Variants in GPHN observed in about 807,000 individuals in gnomAD.
The protein encoded by GPHN is gephyrin.
A neutral mutation model predicts 95.5 loss-of-function variants in GPHN; 17 were observed. The observed-to-expected ratio is 0.18, with a 90% CI of 0.12 to 0.27. The LOEUF (loss-of-function observed/expected upper bound fraction) is 0.27, where lower values mean the gene tolerates loss of function less well. Ranked by LOEUF, GPHN falls within the 10% of genes least tolerant of loss-of-function variation. GPHN has a pLI of 1.00. For missense variants in GPHN, 660 were observed against 978.1 expected, an observed-to-expected ratio of 0.67 and a Z score of 4.34; for synonymous variants, 320 against 322.5, an observed-to-expected ratio of 0.99 and a Z score of 0.08.
At chr14:66,854,910 C>G (rs1027686641) in intron 4 of GPHN, among the ~76,000 whole-genome samples, 1 of 150,998 alleles carries the variant, frequency 6.6e-6, no homozygotes, top group East Asian at 1.9e-4. Context: ...TGCAGTGGCA[C>G]GATCTCAGCT....
At chr14:67,592,241 C>A in the GPHN span, 2 of 352,832 alleles carry the variant, frequency 5.7e-6, no homozygotes, top group South Asian at 4.5e-5. Context: ...TCAAGATCAG[C>A]CTAGGCAACA....
intron 10 of GPHN, among the ~76,000 whole-genome samples, chr14:67,025,675 TA>T (rs1302176541): frequency 1.3e-5 from 2 of 152,072 alleles, no homozygotes; most frequent in African/African-American, 2.4e-5. Context: ...CAAGGCAAAA[TA>T]AAATGTAATA....
intron 1 of GPHN, among the ~76,000 whole-genome samples, chr14:66,637,064 A>G (rs1464408002): frequency 1.3e-5 from 2 of 152,144 alleles, no homozygotes; most frequent in Non-Finnish European, 2.9e-5. Context: ...TTGATGCTGC[A>G]GTCCTTGGTA....
intron 1 of GPHN, among the ~76,000 whole-genome samples, chr14:66,535,973 G>C (rs1229902716): frequency 6.6e-6 from 1 of 152,082 alleles, no homozygotes; most frequent in Non-Finnish European, 1.5e-5. Flanking sequence ...AAGGCTTCTA[G>C]AACAATGTTT....
chr14:67,165,042 A>G (rs2082195760), intron 19 of GPHN, 120 bp from the exon 20 acceptor site: 1 of 718,720 alleles, frequency 1.4e-6, no homozygotes, highest in South Asian at 1.6e-5. Flanking sequence ...ATGTAAAGGC[A>G]AGTCAACAGA....
the GPHN span, among the ~76,000 whole-genome samples, chr14:67,531,145 G>T: frequency 1.2e-3 from 176 of 152,296 alleles, no homozygotes; most frequent in Non-Finnish European, 2.2e-3. Context: ...CTCTAGGGGT[G>T]ATGGTGGGTA....
the GPHN span, chr14:67,541,917 G>T: frequency 6.2e-7 from 1 of 1,605,278 alleles, no homozygotes; most frequent in Non-Finnish European, 8.5e-7. Flanking sequence ...TGGCAGAAAC[G>T]CTGCCTGACC....
At chr14:67,305,266 T>A in the GPHN span, among the ~76,000 whole-genome samples, 1 of 152,140 alleles carries the variant, frequency 6.6e-6, no homozygotes, top group African/African-American at 2.4e-5. Context: ...CTTTTGAGAA[T>A]AAATGTCAGA....
chr14:66,840,786 G>A (rs2062044208), intron 4 of GPHN, among the ~76,000 whole-genome samples: 1 of 149,314 alleles, frequency 6.7e-6, no homozygotes, highest in Non-Finnish European at 1.5e-5. Context: ...CCCTTGGGCT[G>A]TAGTTTGCCA....
intron 5 of GPHN, among the ~76,000 whole-genome samples, chr14:66,899,759 T>C (rs2065038325): frequency 6.6e-6 from 1 of 151,864 alleles, no homozygotes; most frequent in Non-Finnish European, 1.5e-5. Flanking sequence ...GATTTTGGTA[T>C]CAAGTTAATA....
At chr14:67,138,341 T>C (rs1172197242) in intron 17 of GPHN, among the ~76,000 whole-genome samples, 1 of 152,198 alleles carries the variant, frequency 6.6e-6, no homozygotes, top group East Asian at 1.9e-4. Context: ...GTCTTAAATA[T>C]AAGGTCAGAT....
chr14:67,483,092 C>T, the GPHN span, among the ~76,000 whole-genome samples: 1 of 152,062 alleles, frequency 6.6e-6, no homozygotes, highest in Non-Finnish European at 1.5e-5. Flanking sequence ...CTCACTGCAA[C>T]CTCTGTCGCC....
intron 1 of GPHN, among the ~76,000 whole-genome samples, chr14:66,543,796 T>G (rs2059436437): frequency 6.6e-6 from 1 of 152,200 alleles, no homozygotes; most frequent in African/African-American, 2.4e-5. Context: ...CCACTTTCAC[T>G]GCCATTACCC....
chr14:67,085,918 A>G (rs1228884998), intron 11 of GPHN, among the ~76,000 whole-genome samples: 1 of 152,108 alleles, frequency 6.6e-6, no homozygotes, highest in Admixed American at 6.5e-5. Flanking sequence ...TATCTCTGTG[A>G]TTTGACTACT....
the GPHN span, chr14:67,578,270 G>A: frequency 1.4e-6 from 2 of 1,382,738 alleles, no homozygotes; most frequent in Middle Eastern, 1.8e-4. This position sits in a 1 kb window ranked among gnomAD's most constrained non-coding sequence, Gnocchi z 5.0. Flanking sequence ...AAGGTGGGAG[G>A]AGGTGACTGG....
At chr14:66,598,201 T>C (rs1267697319) in intron 1 of GPHN, among the ~76,000 whole-genome samples, 2 of 152,138 alleles carry the variant, frequency 1.3e-5, no homozygotes, top group Admixed American at 1.3e-4. Context: ...TTCAAAGACT[T>C]GTAAATCATG....
At chr14:66,788,195 G>A (rs1026309317) in intron 3 of GPHN, among the ~76,000 whole-genome samples, 1 of 152,150 alleles carries the variant, frequency 6.6e-6, no homozygotes, top group African/African-American at 2.4e-5. Flanking sequence ...TGTAATCCCA[G>A]CTACTCTGGA....
At chr14:66,990,373 T>C (rs2071329931) in intron 9 of GPHN, among the ~76,000 whole-genome samples, 1 of 152,132 alleles carries the variant, frequency 6.6e-6, no homozygotes, top group Non-Finnish European at 1.5e-5. Context: ...TGGTGAAGAT[T>C]TCAATTAGAT....
the GPHN span, among the ~76,000 whole-genome samples, chr14:67,680,896 A>G: frequency 6.6e-6 from 1 of 152,234 alleles, no homozygotes; most frequent in Admixed American, 6.5e-5. Context: ...AGTAATCAAG[A>G]TAGTGTGATA....
Sources: allele counts gnomAD v4.1 joint callset (sites outside exome capture counted in the v4.1 genomes callset), GRCh38; gene constraint gnomAD v4.1.1; non-coding constraint Gnocchi (gnomAD v3.1); transcripts MANE v1.5; gene names NCBI Gene and HGNC (gene_info 2026-07-23, HGNC 2026-07-21).